FOXO1: variants seen among roughly 807,000 people sequenced by gnomAD.
FOXO1 encodes the protein forkhead box O1.
Under a neutral mutation model 44.1 loss-of-function variants are expected in FOXO1, and 6 were observed. The observed-to-expected ratio is 0.14, with a 90% CI of 0.07 to 0.27. The LOEUF is 0.27. FOXO1 is among the 10% of genes least tolerant of loss of function. FOXO1 has a pLI of 1.00. For missense variants in FOXO1, 737 were observed against 888.8 expected (o/e 0.83, Z 2.17); for synonymous variants, 380 against 362.7 (o/e 1.05, Z -0.54).
At chr13:40,624,026 C>A (rs1311029890) in intron 1 of FOXO1, among the ~76,000 whole-genome samples, 1 of 151,206 alleles carries the variant, frequency 6.6e-6, no homozygotes, top group Non-Finnish European at 1.5e-5. Flanking sequence ...ATGGCTTGAG[C>A]CCAGGAGTTT....
chr13:40,570,601 T>C (rs1874454434), intron 1 of FOXO1, among the ~76,000 whole-genome samples: 1 of 152,220 alleles, frequency 6.6e-6, no homozygotes, highest in Admixed American at 6.5e-5. Context: ...AGAAAACCCC[T>C]TCAGGGACAG....
At chr13:40,643,647 T>C (rs953815508) in intron 1 of FOXO1, among the ~76,000 whole-genome samples, 1 of 152,192 alleles carries the variant, frequency 6.6e-6, no homozygotes, top group African/African-American at 2.4e-5. Flanking sequence ...CTAGGAAAGA[T>C]AGGTCTAAAG....
chr13:40,626,579 T>C lies in FOXO1; in HGVS notation c.630+39004A>G, dbSNP rs139772098. Among the ~76,000 whole-genome samples the C allele has an allele frequency of 2.0e-5, 3 of 152,354 alleles. No homozygotes were observed. The East Asian group carries it at 5.8e-4, about 29-fold the overall frequency. On this transcript the variant is annotated intron_variant, in intron 1 of 2. Transcript: ENST00000379561. ...AGGTAACTCCTTGCACTTGATAAAC[T>C]GTTACACACCTACAGAAATGATAAC...
chr13:40,598,352 AAAG>A (rs1213910089), intron 1 of FOXO1, among the ~76,000 whole-genome samples: 1 of 152,148 alleles, frequency 6.6e-6, no homozygotes, highest in Admixed American at 6.5e-5. Context: ...CTGTTTCTTT[AAAG>A]AAGGGGCATT....
At position 40,558,884 on chromosome 13, in the gene FOXO1, C is replaced by T; in HGVS notation, c.*165G>A. The T allele has an allele frequency of 2.5e-6, 1 of 398,002 alleles. No homozygotes were observed. Among genetic ancestry groups the T allele is most frequent in the Non-Finnish European group, 4.4e-6 (1 of 225,930 alleles). 24.7% of individuals were successfully genotyped at this position (398,002 alleles called of 1,614,324 possible). A position where few individuals can be genotyped will look rare whatever the true frequency, so the allele number is the denominator to read the frequency against. Reference sequence around the variant, plus strand: ...ATCCTGTACAGGAAAAATGTCTTTGCTGCCAAGTCTGACGAAAGGAAAAAA... The same window carrying T: ...ATCCTGTACAGGAAAAATGTCTTTGTTGCCAAGTCTGACGAAAGGAAAAAA... On this transcript the variant is annotated 3_prime_UTR_variant, in exon 3 of 3. Coordinates refer to ENST00000379561, the MANE Select transcript of FOXO1 (RefSeq NM_002015.4).
intron 1 of FOXO1, among the ~76,000 whole-genome samples, chr13:40,628,600 C>A (rs56929457): frequency 1.3e-5 from 2 of 152,108 alleles, no homozygotes; most frequent in Non-Finnish European, 2.9e-5. Context: ...TCGACTCATA[C>A]GATCTAGACC....
intron 1 of FOXO1, among the ~76,000 whole-genome samples, chr13:40,618,002 C>T (rs1876484318): frequency 6.6e-6 from 1 of 152,244 alleles, no homozygotes; most frequent in African/African-American, 2.4e-5. Flanking sequence ...CAGAAATCAA[C>T]ATGTGACACG....
intron 1 of FOXO1, among the ~76,000 whole-genome samples, chr13:40,625,365 C>G (rs1876752649): frequency 6.6e-6 from 1 of 152,102 alleles, no homozygotes; most frequent in Non-Finnish European, 1.5e-5. Context: ...ATATGGGTAT[C>G]AACAATTTTA....
At chr13:40,600,492 GCCAATTAGGCAT>G (rs1875777685) in intron 1 of FOXO1, among the ~76,000 whole-genome samples, 1 of 152,076 alleles carries the variant, frequency 6.6e-6, no homozygotes, top group Non-Finnish European at 1.5e-5. Context: ...AACAATTCCT[GCCAATTAGGCAT>G]CCAAAATTTA....
intron 1 of FOXO1, among the ~76,000 whole-genome samples, chr13:40,604,065 C>T (rs981505857): frequency 6.6e-6 from 1 of 151,966 alleles, no homozygotes; most frequent in Non-Finnish European, 1.5e-5. Flanking sequence ...GAAATTTATC[C>T]CGAACAATTA....
intron 1 of FOXO1, among the ~76,000 whole-genome samples, chr13:40,567,986 C>CA (rs970286825): frequency 1.3e-5 from 2 of 151,940 alleles, no homozygotes; most frequent in Non-Finnish European, 2.9e-5. Context: ...AAAATTTACA[C>CA]AATGTGATTT....
Position 40,665,989 on chromosome 13 carries a change from C to G in FOXO1, c.224G>C (p.Ser75Thr). 7.9e-7 allele frequency: 1 copy of G among 1,257,870 alleles called. No homozygotes were observed. The highest frequency in any genetic ancestry group is 1.0e-6 in the Non-Finnish European group (1 of 1,003,176). The allele number at this position is 1,257,870 out of a possible 1,614,324, so 77.9% of individuals were successfully genotyped here. A position where few individuals can be genotyped will look rare whatever the true frequency, so the allele number is the denominator to read the frequency against. ...AVSADFMSNL[S>T]LLEESEDFPQ... ...GAAGTCCTCGCTCTCCTCCAGCAAG[C>G]TCAGGTTGCTCATGAAGTCGGCGCT... is the stretch of plus-strand genomic sequence containing the variant. Residue 75 changes from serine (S) to threonine (T), a missense_variant, in exon 1 of 3, where the codon AGC becomes ACC. Ser to Thr is a moderately conservative substitution (Grantham distance 58). Coordinates refer to ENST00000379561, the MANE Select transcript of FOXO1 (RefSeq NM_002015.4).
intron 1 of FOXO1, among the ~76,000 whole-genome samples, chr13:40,607,546 A>G (rs976519037): frequency 1.3e-5 from 2 of 152,096 alleles, no homozygotes; most frequent in Non-Finnish European, 2.9e-5. Flanking sequence ...GGAGGGAAAT[A>G]AAGTTATCAG....
chr13:40,607,365 A>C (rs1876043795), intron 1 of FOXO1, among the ~76,000 whole-genome samples: 1 of 152,216 alleles, frequency 6.6e-6, no homozygotes, highest in African/African-American at 2.4e-5. Context: ...AAAGCTGTCC[A>C]TCCTAGGCAA....
At chr13:40,562,791 C>T (rs1185224465) in intron 1 of FOXO1, 1 of 152,296 alleles carries the variant, frequency 6.6e-6, no homozygotes, top group African/African-American at 2.4e-5. Flanking sequence ...TGGTTTGATT[C>T]ACCTCCTCTA....
intron 1 of FOXO1, among the ~76,000 whole-genome samples, chr13:40,624,317 T>TAAAAAAAAAAAA (rs10552634): frequency 2.0e-5 from 2 of 100,952 alleles, no homozygotes; most frequent in Non-Finnish European, 2.1e-5. Flanking sequence ...TAATACTGCT[T>TAAAAAAAAAAAA]AAAAAAAAAA....
Position 40,560,295 on chromosome 13 carries a change from A to G in FOXO1, c.1196T>C (p.Met399Thr). 6.2e-7 allele frequency: 1 copy of G among 1,614,212 alleles called. No individual in the cohort carries two copies. Among genetic ancestry groups the G allele is most frequent in the South Asian group, 1.1e-5 (1 of 91,078 alleles). ...VSTQSSPGTM[M>T]QQTPCYSFAP... ...AAACGAGTAGCACGGCGTCTGCTGC[A>G]TCATGGTGCCAGGTGAGGACTGGGT... The change falls in exon 2 of 3, where the codon ATG becomes ACG. Residue 399 changes from methionine (M) to threonine (T), a missense_variant. This residue lies in a region of FOXO1 where 283 missense variants were observed against 278.1 expected (regional missense o/e 1.02). Coordinates refer to ENST00000379561, the MANE Select transcript of FOXO1 (RefSeq NM_002015.4). This position sits in a 1 kb window ranked among gnomAD's most constrained non-coding sequence, Gnocchi z 5.1.
rs185901750 is a variant in FOXO1, at chr13:40,650,250, T to G, written c.630+15333A>C. On this transcript the variant is annotated intron_variant, in intron 1 of 2. Coordinates refer to ENST00000379561, the MANE Select transcript of FOXO1 (RefSeq NM_002015.4). ...TGAGAACAACCAGAGGTCACTCTCGTGGCCATCTTTGTTTTGGTGGGTTTT... is the reference window on the plus strand; with the variant it reads ...TGAGAACAACCAGAGGTCACTCTCGGGGCCATCTTTGTTTTGGTGGGTTTT... Among the ~76,000 whole-genome samples, 192 of 152,326 alleles carry G rather than the reference T, an allele frequency of 1.3e-3. 3 individuals are homozygous for G. The highest frequency in any genetic ancestry group is 3.2e-4 in the Non-Finnish European group (22 of 68,030).
At chr13:40,608,211 G>C (rs1876093216) in intron 1 of FOXO1, among the ~76,000 whole-genome samples, 1 of 152,176 alleles carries the variant, frequency 6.6e-6, no homozygotes, top group Middle Eastern at 3.2e-3. Context: ...CCTGGTAATT[G>C]TATTTCTATG....
Sources: gnomAD v4.1 joint callset for allele counts (sites outside exome capture counted in the v4.1 genomes callset) on GRCh38, gnomAD v4.1.1 for gene constraint, gnomAD v4.1.1 regional missense constraint, Gnocchi (gnomAD v3.1) non-coding constraint, MANE v1.5 for transcripts, NCBI Gene and HGNC (gene_info 2026-07-23, HGNC 2026-07-21) for gene names.